PRSS12: variants seen among roughly 807,000 people sequenced by gnomAD.
PRSS12 encodes the protein neurotrypsin.
A neutral mutation model predicts 104.4 loss-of-function variants in PRSS12; 85 were observed. The observed-to-expected ratio is 0.81, with a 90% CI of 0.68 to 0.98. PRSS12 has a LOEUF of 0.98. Ranked by LOEUF, PRSS12 falls within the 50% of genes least tolerant of loss-of-function variation. PRSS12 has a pLI of 0.00. For missense variants in PRSS12, 1,141 were observed against 1,139.2 expected, an observed-to-expected ratio of 1.00 and a Z score of -0.02; for synonymous variants, 454 against 425.2, an observed-to-expected ratio of 1.07 and a Z score of -0.83.
At position 118,352,908 on chromosome 4, in the gene PRSS12, C is replaced by G; in HGVS notation, c.-188G>C. 1 of 1,368,046 alleles carries G rather than the reference C, an allele frequency of 7.3e-7. No homozygotes were observed. The highest frequency in any genetic ancestry group is 1.5e-5 in the African/African-American group (1 of 65,078). 84.7% of individuals were successfully genotyped at this position (1,368,046 alleles called of 1,614,324 possible). ...GCTGGTGCCCTGCCGCGCCTCGGCT[C>G]CTGTCCCCTGGCGGCGGCCGCGGGT... is the stretch of plus-strand genomic sequence containing the variant. On this transcript the variant is annotated 5_prime_UTR_variant, in exon 1 of 13. Coordinates refer to ENST00000296498, the MANE Select transcript of PRSS12 (RefSeq NM_003619.4).
At chr4:118,321,300 A>G (rs1017806903) in intron 4 of PRSS12, among the ~76,000 whole-genome samples, 3 of 152,236 alleles carry the variant, frequency 2.0e-5, no homozygotes. Context: ...CAGCTGTTTC[A>G]AAGTATGTCT....
Position 118,352,608 on chromosome 4 carries a change from G to C in PRSS12, c.113C>G (p.Pro38Arg). 3.1e-6 allele frequency: 5 copies of C among 1,610,788 alleles called. No homozygotes were observed. Among genetic ancestry groups the C allele is most frequent in the Non-Finnish European group, 3.4e-6 (4 of 1,178,670 alleles). Residue 38 changes from proline to arginine, a missense_variant, in exon 1 of 13, where the codon CCT becomes CGT. Pro to Arg is a moderately radical substitution (Grantham distance 103). Transcript: ENST00000296498. ...GTAATAGGGGTAGTGCGGACCCGCA[G>C]GGGGCGAATGGCGGTGGCTGTGGTG... is the stretch of plus-strand genomic sequence containing the variant. ...SLHHSHRHSP[P>R]AGPHYPYYLP...
intron 1 of PRSS12, among the ~76,000 whole-genome samples, chr4:118,341,536 G>T (rs1724208607): frequency 6.6e-6 from 1 of 151,990 alleles, no homozygotes; most frequent in African/African-American, 2.4e-5. Flanking sequence ...TACAAAATTG[G>T]CCAGGCATGG....
chr4:118,351,947 G>A lies in PRSS12; in HGVS notation c.502+272C>T, dbSNP rs561047918. 7.7e-4 allele frequency among the ~76,000 whole-genome samples: 117 copies of A among 152,128 alleles called. 1 individual carries two copies. The highest frequency in any genetic ancestry group is 2.4e-3 in the African/African-American group (101 of 41,500). On this transcript the variant is annotated intron_variant, in intron 1 of 12. Coordinates refer to ENST00000296498, the MANE Select transcript of PRSS12 (RefSeq NM_003619.4). ...CGCACACACACACACAGTGGCCAGA[G>A]GACAGAGCAAATTCAGAAACCCAGA... is the stretch of plus-strand genomic sequence containing the variant.
intron 4 of PRSS12, among the ~76,000 whole-genome samples, chr4:118,321,497 T>G (rs1422276736): frequency 6.6e-6 from 1 of 152,148 alleles, no homozygotes; most frequent in Admixed American, 6.5e-5. Flanking sequence ...ACTAAAACCT[T>G]CCAGGCTTAG....
chr4:118,330,844 C>A (rs1252981045), intron 4 of PRSS12, among the ~76,000 whole-genome samples: 1 of 151,870 alleles, frequency 6.6e-6, no homozygotes, highest in Admixed American at 6.6e-5. Context: ...TGAAAGAGAG[C>A]CAATTATTTT....
intron 5 of PRSS12, 59 bp downstream of exon 5, chr4:118,318,319 G>A: frequency 6.6e-7 from 1 of 1,521,148 alleles, no homozygotes; most frequent in Non-Finnish European, 9.0e-7. Flanking sequence ...GGGAAGCTGT[G>A]GCAGGCCGAC....
At chr4:118,298,971 ATCAG>A (rs1179448213) in intron 8 of PRSS12, 33 bp from the exon 9 acceptor site, 1 of 1,604,000 alleles carries the variant, frequency 6.2e-7, no homozygotes, top group Non-Finnish European at 8.5e-7. Flanking sequence ...CATGTGAAGA[ATCAG>A]TCAGTCATAT....
chr4:118,320,026 G>A (rs1723566839), intron 4 of PRSS12, among the ~76,000 whole-genome samples: 2 of 152,100 alleles, frequency 1.3e-5, no homozygotes, highest in African/African-American at 4.8e-5. Flanking sequence ...TTTATTTGTA[G>A]TTAATTTACT....
chr4:118,309,093 AAAG>A (rs943685107), intron 7 of PRSS12, among the ~76,000 whole-genome samples: 1 of 151,714 alleles, frequency 6.6e-6, no homozygotes, highest in Non-Finnish European at 1.5e-5. Flanking sequence ...AAAAAAAAGA[AAAG>A]AAAAAGAAAA....
In PRSS12 at chr4:118,282,352, G is replaced by A. The variant is rs980299164; in HGVS notation, c.2321-109C>T. The A allele has an allele frequency of 2.8e-6, 4 of 1,431,472 alleles. No homozygotes were observed. The African/African-American group carries it at 5.6e-5, about 20-fold the overall frequency. The allele number at this position is 1,431,472 out of a possible 1,614,324, so 88.7% of individuals were successfully genotyped here. Reference sequence around the variant, plus strand: ...AAATAAAATCCCTGTTGTGGCATTAGTGTAGTTTAAAATGAGCAATGACTA... The same window carrying A: ...AAATAAAATCCCTGTTGTGGCATTAATGTAGTTTAAAATGAGCAATGACTA... On this transcript the variant is annotated intron_variant, in intron 12 of 12. Transcript: ENST00000296498.
At chr4:118,299,822 TA>T (rs1391473829) in intron 8 of PRSS12, among the ~76,000 whole-genome samples, 13 of 105,532 alleles carry the variant, frequency 1.2e-4, no homozygotes, top group Admixed American at 1.9e-4. Flanking sequence ...TAAAATAAAA[TA>T]AAATAAAATA....
At chr4:118,327,688 T>C (rs1723811456) in intron 4 of PRSS12, among the ~76,000 whole-genome samples, 1 of 152,180 alleles carries the variant, frequency 6.6e-6, no homozygotes, top group Non-Finnish European at 1.5e-5. Context: ...AAAGTGCTTT[T>C]AATGTTAAGC....
intron 7 of PRSS12, among the ~76,000 whole-genome samples, chr4:118,309,102 GA>G (rs145198443): frequency 2.7e-4 from 39 of 145,070 alleles, no homozygotes; most frequent in Non-Finnish European, 3.3e-4. Context: ...AAAAGAAAAA[GA>G]AAAAAAAAAG....
chr4:118,303,232 T>C (rs965787917), intron 8 of PRSS12: 3 of 150,752 alleles, frequency 2.0e-5, no homozygotes, highest in Non-Finnish European at 3.0e-5. Context: ...GAATTAATCA[T>C]GAAAATCAAA....
intron 2 of PRSS12, among the ~76,000 whole-genome samples, chr4:118,337,712 G>T (rs1379960302): frequency 1.3e-5 from 2 of 152,106 alleles, no homozygotes; most frequent in Non-Finnish European, 2.9e-5. Flanking sequence ...GAACTTGTGG[G>T]TGGATAAAAG....
intron 9 of PRSS12, among the ~76,000 whole-genome samples, chr4:118,297,435 T>G (rs1250910080): frequency 6.6e-6 from 1 of 152,072 alleles, no homozygotes; most frequent in Admixed American, 6.6e-5. Context: ...TTCAGTAAAT[T>G]AAGTTATAAT....
intron 4 of PRSS12, among the ~76,000 whole-genome samples, chr4:118,325,122 G>A (rs574332213): frequency 2.6e-5 from 4 of 152,090 alleles, no homozygotes; most frequent in African/African-American, 9.6e-5. Context: ...ACAATCCTAA[G>A]TGAATTAACA....
At chr4:118,339,794 A>C (rs1162994573) in intron 1 of PRSS12, among the ~76,000 whole-genome samples, 1 of 152,230 alleles carries the variant, frequency 6.6e-6, no homozygotes, top group Non-Finnish European at 1.5e-5. Flanking sequence ...TTTTTATATC[A>C]CAAAATCTCT....
Sources: gnomAD v4.1 joint callset for allele counts (sites outside exome capture counted in the v4.1 genomes callset) on GRCh38, gnomAD v4.1.1 for gene constraint, MANE v1.5 for transcripts, NCBI Gene and HGNC (gene_info 2026-07-23, HGNC 2026-07-21) for gene names.